LRRTM4: variants seen among roughly 807,000 people sequenced by gnomAD.
LRRTM4 encodes the protein leucine rich repeat transmembrane neuronal 4.
LRRTM4 carries 25 observed loss-of-function variants against 47.6 expected under a neutral mutation model. The observed-to-expected ratio is 0.53, with a 90% confidence interval of 0.38 to 0.73. LRRTM4 has a LOEUF of 0.73. Among genes scored for constraint, LRRTM4 ranks in the 30% least tolerant of loss-of-function variants. The probability of loss-of-function intolerance (pLI) is 0.00; values close to 1 mark genes in which losing one functional copy is unlikely to be tolerated. For missense variants in LRRTM4, 638 were observed against 713.4 expected (o/e 0.89, Z 1.20); for synonymous variants, 311 against 269.5 (o/e 1.15, Z -1.51).
chr2:77,388,461 T>G (rs1333886680), intron 3 of LRRTM4, among the ~76,000 whole-genome samples: 2 of 152,180 alleles, frequency 1.3e-5, no homozygotes, highest in Non-Finnish European at 2.9e-5. Context: ...CTTTCATTCA[T>G]TGTCTCTTTT....
chr2:77,491,548 A>G (rs1678162520), intron 3 of LRRTM4, among the ~76,000 whole-genome samples: 1 of 152,080 alleles, frequency 6.6e-6, no homozygotes, highest in Non-Finnish European at 1.5e-5. Flanking sequence ...TCACGTAGTA[A>G]TACGATGGGG....
chr2:77,043,324 C>T (rs1043869346), intron 3 of LRRTM4, among the ~76,000 whole-genome samples: 4 of 151,710 alleles, frequency 2.6e-5, no homozygotes, highest in Admixed American at 6.6e-5. Context: ...TTCTCCACTA[C>T]GTTCAGAAGT....
intron 3 of LRRTM4, among the ~76,000 whole-genome samples, chr2:76,955,324 A>C (rs1321875974): frequency 1.3e-5 from 2 of 151,838 alleles, no homozygotes; most frequent in Admixed American, 6.6e-5. Flanking sequence ...ACATCAATGT[A>C]AAAAAGTCCG....
chr2:77,353,152 A>G (rs1671845813), intron 3 of LRRTM4, among the ~76,000 whole-genome samples: 1 of 152,190 alleles, frequency 6.6e-6, no homozygotes. Context: ...TGCAGAACTC[A>G]ACAGAATTTA....
chr2:76,836,867 C>T (rs769070054), intron 3 of LRRTM4, among the ~76,000 whole-genome samples: 19 of 152,100 alleles, frequency 1.2e-4, no homozygotes, highest in African/African-American at 3.1e-4. Context: ...TTTTTTAGGC[C>T]GGTCTAAGAG....
chr2:77,099,058 A>C (rs1231467996), intron 3 of LRRTM4, among the ~76,000 whole-genome samples: 1 of 151,916 alleles, frequency 6.6e-6, no homozygotes, highest in East Asian at 1.9e-4. Flanking sequence ...CTAGGGAATA[A>C]TTTAGCATTA....
intron 3 of LRRTM4, among the ~76,000 whole-genome samples, chr2:77,475,300 T>C (rs999140093): frequency 6.6e-6 from 1 of 152,082 alleles, no homozygotes; most frequent in South Asian, 2.1e-4. Context: ...AAATTTTAAG[T>C]TTAGGGGCGT....
At chr2:77,442,869 T>C (rs1181348684) in intron 3 of LRRTM4, among the ~76,000 whole-genome samples, 1 of 152,166 alleles carries the variant, frequency 6.6e-6, no homozygotes, top group Non-Finnish European at 1.5e-5. Context: ...TCAAAGATTT[T>C]AACTCCAATG....
chr2:76,800,957 A>T (rs1390303892), intron 3 of LRRTM4, among the ~76,000 whole-genome samples: 2 of 150,868 alleles, frequency 1.3e-5, no homozygotes, highest in African/African-American at 4.9e-5. Context: ...TGAAAACCAC[A>T]ATGAGATACC....
chr2:77,519,605 T>C lies in LRRTM4; in HGVS notation c.264A>G (p.Ile88Met), dbSNP rs1679396109. 1 of 1,613,490 alleles carries C rather than the reference T, an allele frequency of 6.2e-7. No homozygotes were observed. Among genetic ancestry groups the C allele is most frequent in the Non-Finnish European group, 8.5e-7 (1 of 1,179,634 alleles). ...SNQFAGLNQL[I>M]WLYLDHNYIS... ...TGTAATTATGGTCAAGATAAAGCCA[T>C]ATAAGCTGGTTAAGGCCGGCAAACT... Residue 88 changes from isoleucine to methionine, a missense_variant, in exon 3 of 4, where the codon ATA becomes ATG. Coordinates refer to ENST00000409884, the MANE Select transcript of LRRTM4 (RefSeq NM_001134745.3). This position sits in a 1 kb window ranked among gnomAD's most constrained non-coding sequence, Gnocchi z 4.6.
intron 3 of LRRTM4, among the ~76,000 whole-genome samples, chr2:77,262,125 T>C (rs927391106): frequency 6.6e-6 from 1 of 152,086 alleles, no homozygotes; most frequent in African/African-American, 2.4e-5. Flanking sequence ...TGTCAGTGTC[T>C]CCCATCACCT....
At position 77,172,600 on chromosome 2, in the gene LRRTM4, T is replaced by TA. The variant is rs111390590; in HGVS notation, c.1551+345717dup. On this transcript the variant is annotated intron_variant, in intron 3 of 3. Transcript: ENST00000409884. The stretch of plus-strand genomic sequence containing the variant: ...AGAGTGAGACTTCGTCTCAAAAACA[T>TA]AAAAAAAAAAATAAAAATAAATAAA... Among the ~76,000 whole-genome samples the TA allele has an allele frequency of 1.1e-3, 161 of 150,116 alleles. No homozygotes were observed. In the South Asian group the frequency reaches 0.013, roughly 12 times the overall value.
intron 3 of LRRTM4, among the ~76,000 whole-genome samples, chr2:77,465,336 T>C (rs1000833678): frequency 6.6e-6 from 1 of 152,164 alleles, no homozygotes; most frequent in South Asian, 2.1e-4. Flanking sequence ...AAAACGAACA[T>C]AATATGTATC....
chr2:77,062,941 A>T (rs960088633), intron 3 of LRRTM4, among the ~76,000 whole-genome samples: 11 of 143,852 alleles, frequency 7.6e-5, no homozygotes, highest in African/African-American at 2.3e-4. Flanking sequence ...GTTCTTTTTT[A>T]AAATTATTAT....
rs184359778 is a variant in LRRTM4, at chr2:76,983,402, C to T, written c.1552-234486G>A. 1.2e-3 allele frequency among the ~76,000 whole-genome samples: 188 copies of T among 152,074 alleles called. 1 individual carries two copies. Among genetic ancestry groups the T allele is most frequent in the African/African-American group, 4.4e-3 (181 of 41,516 alleles). ...GCCACAGCTAATTGAATCATCTGGG[C>T]GGTTTCCCCCATACTGTTCTCATGG... On this transcript the variant is annotated intron_variant, in intron 3 of 3. Transcript: ENST00000409884.
intron 3 of LRRTM4, among the ~76,000 whole-genome samples, chr2:76,906,375 C>T (rs115322016): frequency 0.11 from 16,489 of 151,986 alleles, 1,338 homozygotes; most frequent in East Asian, 0.46. Context: ...ACAACCAGTA[C>T]CAGATGCTGC....
At chr2:76,879,915 G>A (rs1044807382) in intron 3 of LRRTM4, among the ~76,000 whole-genome samples, 1 of 152,234 alleles carries the variant, frequency 6.6e-6, no homozygotes, top group African/African-American at 2.4e-5. Context: ...AATTGCAAAT[G>A]TGGTGGAAAC....
At chr2:77,350,702 A>G (rs556086482) in intron 3 of LRRTM4, among the ~76,000 whole-genome samples, 2 of 152,286 alleles carry the variant, frequency 1.3e-5, no homozygotes, top group South Asian at 4.1e-4. Flanking sequence ...ACTCTTGTAA[A>G]CAGACTAAAA....
At chr2:77,363,631 C>A (rs1053359273) in intron 3 of LRRTM4, among the ~76,000 whole-genome samples, 1 of 152,134 alleles carries the variant, frequency 6.6e-6, no homozygotes, top group Non-Finnish European at 1.5e-5. Flanking sequence ...TATTCTGATT[C>A]AGAATTGTGA....
Sources: gnomAD v4.1 joint callset for allele counts (sites outside exome capture counted in the v4.1 genomes callset) on GRCh38, gnomAD v4.1.1 for gene constraint, Gnocchi (gnomAD v3.1) non-coding constraint, MANE v1.5 for transcripts, NCBI Gene and HGNC (gene_info 2026-07-23, HGNC 2026-07-21) for gene names.